HMGA2: variants seen among roughly 807,000 people sequenced by gnomAD.
HMGA2 encodes the protein high mobility group protein HMGI-C.
A neutral mutation model predicts 19.1 loss-of-function variants in HMGA2; 8 were observed. The ratio of observed to expected loss-of-function variants is 0.42; its 90% CI spans 0.25 to 0.76. The LOEUF is 0.76. Among genes scored for constraint, HMGA2 ranks in the 30% least tolerant of loss-of-function variants. HMGA2 has a pLI of 0.28. For missense variants in HMGA2, 109 were observed against 136.3 expected (o/e 0.80, Z 1.00); for synonymous variants, 60 against 48.8 (o/e 1.23, Z -0.96).
intron 3 of HMGA2, among the ~76,000 whole-genome samples, chr12:65,843,902 A>T (rs1279889610): frequency 1.3e-5 from 2 of 151,986 alleles, no homozygotes; most frequent in African/African-American, 4.8e-5. Flanking sequence ...TACAAAAACT[A>T]CCTGAGTGTG....
chr12:65,838,990 T>C (rs1306624640), intron 3 of HMGA2, among the ~76,000 whole-genome samples: 1 of 143,394 alleles, frequency 7.0e-6, no homozygotes, highest in Non-Finnish European at 1.5e-5. Context: ...TTCTTTCTTT[T>C]TCTTTTTCTT....
chr12:65,907,381 G>A (rs934815517), intron 3 of HMGA2, among the ~76,000 whole-genome samples: 17 of 142,168 alleles, frequency 1.2e-4, no homozygotes, highest in Non-Finnish European at 2.4e-4. Flanking sequence ...CTACACTCCA[G>A]CCTGGACAAC....
In HMGA2 at chr12:65,882,865, TGC is replaced by T. The variant is rs1873490205; in HGVS notation, c.249+44297_249+44298del. 2.0e-5 allele frequency among the ~76,000 whole-genome samples: 3 copies of T among 152,210 alleles called. No homozygotes were observed. The South Asian group carries it at 6.2e-4, about 32-fold the overall frequency. ...AGGGAAATATTTTTTAAAACAAGGC[TGC>T]TTTTCACAAGGAGGGGTAGGCACAC... On this transcript the variant is annotated intron_variant, in intron 3 of 4. Coordinates refer to ENST00000403681, the MANE Select transcript of HMGA2 (RefSeq NM_003483.6).
At chr12:65,877,372 C>T (rs1873100639) in intron 3 of HMGA2, among the ~76,000 whole-genome samples, 1 of 151,964 alleles carries the variant, frequency 6.6e-6, no homozygotes, top group Admixed American at 6.6e-5. Flanking sequence ...TTCCTTTTTG[C>T]TAGAATGGTA....
chr12:65,868,471 A>G lies in HMGA2; in HGVS notation c.249+29902A>G, dbSNP rs1872547902. ...ACTACGATCGTGGAGGAGTCAGATT[A>G]CTCTCCGGGCTTTGCTGTGTCTGCT... On this transcript the variant is annotated intron_variant, in intron 3 of 4. Transcript: ENST00000403681. 3.3e-5 allele frequency among the ~76,000 whole-genome samples: 5 copies of G among 151,792 alleles called. No individual in the cohort carries two copies. The South Asian group carries it at 8.3e-4, about 25-fold the overall frequency.
intron 3 of HMGA2, among the ~76,000 whole-genome samples, chr12:65,925,771 G>A (rs570651191): frequency 5.7e-4 from 78 of 136,228 alleles, no homozygotes; most frequent in Middle Eastern, 4.0e-3. Flanking sequence ...GAGAGAATGC[G>A]GATCTCGGGC....
At chr12:65,861,646 G>C (rs1379192316) in intron 3 of HMGA2, among the ~76,000 whole-genome samples, 1 of 142,280 alleles carries the variant, frequency 7.0e-6, no homozygotes, top group Non-Finnish European at 1.5e-5. Context: ...AAAAAACCTA[G>C]ATACTATATA....
intron 3 of HMGA2, among the ~76,000 whole-genome samples, chr12:65,873,641 G>A (rs1267502844): frequency 6.6e-6 from 1 of 152,144 alleles, no homozygotes; most frequent in Non-Finnish European, 1.5e-5. Flanking sequence ...GTTTTATGAT[G>A]TGTATACATA....
intron 3 of HMGA2, among the ~76,000 whole-genome samples, chr12:65,899,043 CAAAAAAAAAAAAAA>C (rs751128412): frequency 2.4e-4 from 6 of 25,328 alleles, no homozygotes; most frequent in East Asian, 2.3e-3. Context: ...GACTCCGTCT[CAAAAAAAAAAAAAA>C]AAAAAAAAAA....
At chr12:65,946,353 C>A (rs1443402024) in intron 3 of HMGA2, among the ~76,000 whole-genome samples, 2 of 152,162 alleles carry the variant, frequency 1.3e-5, no homozygotes, top group Non-Finnish European at 2.9e-5. Context: ...AGCAAAGGAT[C>A]TAATTATATT....
At chr12:65,836,874 A>G (rs1870753218) in intron 2 of HMGA2, among the ~76,000 whole-genome samples, 2 of 152,222 alleles carry the variant, frequency 1.3e-5, no homozygotes, top group Non-Finnish European at 2.9e-5. Context: ...TGAATCAGTG[A>G]CAATTTTAGT....
chr12:65,949,356 C>A (rs1876377302), intron 3 of HMGA2, among the ~76,000 whole-genome samples: 1 of 151,600 alleles, frequency 6.6e-6, no homozygotes, highest in Admixed American at 6.6e-5. Flanking sequence ...CTGAGAGGAA[C>A]TCTGAGAGGA....
At chr12:65,930,716 T>A (rs1015297532) in intron 3 of HMGA2, among the ~76,000 whole-genome samples, 1 of 152,202 alleles carries the variant, frequency 6.6e-6, no homozygotes, top group African/African-American at 2.4e-5. Context: ...CTTAATATAT[T>A]GTTTTTGACC....
At chr12:65,915,323 C>T in intron 3 of HMGA2, 5 of 1,399,044 alleles carry the variant, frequency 3.6e-6, no homozygotes, top group Non-Finnish European at 4.7e-6. Flanking sequence ...GATGTAGTTT[C>T]ACTGCTACCC....
intron 3 of HMGA2, among the ~76,000 whole-genome samples, chr12:65,948,282 G>T (rs149621748): frequency 1.3e-3 from 195 of 152,258 alleles, no homozygotes; most frequent in Middle Eastern, 6.8e-3. Context: ...CAACACAGAA[G>T]ACTAATATGT....
chr12:65,838,479 T>C, intron 2 of HMGA2, 40 bp from the exon 3 acceptor site: 1 of 1,515,622 alleles, frequency 6.6e-7, no homozygotes, highest in Non-Finnish European at 9.2e-7. Flanking sequence ...ATAAACAATG[T>C]CAGGTAGAAA....
chr12:65,857,994 A>G (rs988184162), intron 3 of HMGA2: 1 of 152,954 alleles, frequency 6.5e-6, no homozygotes, highest in African/African-American at 2.4e-5. Context: ...AGAACTTTCT[A>G]TAATGGTGCT....
intron 2 of HMGA2, among the ~76,000 whole-genome samples, chr12:65,830,358 A>G (rs1056021711): frequency 6.6e-6 from 1 of 151,974 alleles, no homozygotes; most frequent in Non-Finnish European, 1.5e-5. Context: ...GTTCGTCAGG[A>G]TTTTGCAATG....
intron 3 of HMGA2, among the ~76,000 whole-genome samples, chr12:65,855,170 A>G (rs1342910639): frequency 1.3e-5 from 2 of 152,102 alleles, no homozygotes; most frequent in East Asian, 1.9e-4. Context: ...GAAGTTGTGG[A>G]TGAATACCTT....
Sources: gnomAD v4.1 joint callset for allele counts (sites outside exome capture counted in the v4.1 genomes callset) on GRCh38, gnomAD v4.1.1 for gene constraint, MANE v1.5 for transcripts, NCBI Gene and HGNC (gene_info 2026-07-23, HGNC 2026-07-21) for gene names.